The following GLUD1 variants were observed in gnomAD, a reference collection of about 807,000 sequenced individuals.
The protein encoded by GLUD1 is glutamate dehydrogenase 1, also known as glutamate dehydrogenase 1, mitochondrial.
Under a neutral mutation model 56.0 loss-of-function variants are expected in GLUD1, and 22 were observed. The ratio of observed to expected loss-of-function variants is 0.39; its 90% CI spans 0.28 to 0.56. GLUD1 has a LOEUF of 0.56. GLUD1 is among the 20% of genes least tolerant of loss of function. The pLI is 0.58. For missense variants in GLUD1, 451 were observed against 732.0 expected (o/e 0.62, Z 4.43); for synonymous variants, 223 against 269.9 (o/e 0.83, Z 1.70).
intron 3 of GLUD1, among the ~76,000 whole-genome samples, chr10:87,075,088 A>AC (rs772432692): frequency 3.3e-5 from 5 of 152,188 alleles, no homozygotes; most frequent in Admixed American, 6.5e-5. Flanking sequence ...ATCCTGACAT[A>AC]AAAACTTCAG....
chr10:87,065,104 A>G (rs1390065466), intron 5 of GLUD1, among the ~76,000 whole-genome samples: 1 of 152,026 alleles, frequency 6.6e-6, no homozygotes, highest in Non-Finnish European at 1.5e-5. Flanking sequence ...CAGCCTGGTC[A>G]ACATGGTGAA....
intron 6 of GLUD1, among the ~76,000 whole-genome samples, chr10:87,062,154 G>A (rs796808507): frequency 2.6e-5 from 4 of 152,308 alleles, no homozygotes; most frequent in African/African-American, 9.6e-5. Context: ...CTGGCCTCAA[G>A]TGATCCACCC....
rs1471077959 is a variant in GLUD1 at position 87,086,371 on chromosome 10, C to A, written c.445+7954G>T. 2.0e-5 allele frequency among the ~76,000 whole-genome samples: 3 copies of A among 152,278 alleles called. No individual in the cohort carries two copies. The East Asian group carries it at 5.8e-4, about 29-fold the overall frequency. On this transcript the variant is annotated intron_variant, in intron 1 of 12. Transcript: ENST00000277865. ...CTCTTCTCTCCTTCATCCTGTAAAT[C>A]CTACCTGTTGGGAATACATTACTGT...
At chr10:87,057,338 G>C (rs1213555768) in intron 11 of GLUD1, among the ~76,000 whole-genome samples, 1 of 152,120 alleles carries the variant, frequency 6.6e-6, no homozygotes, top group Non-Finnish European at 1.5e-5. Context: ...ATGTTCCCCA[G>C]GTTGGTCTCA....
chr10:87,064,983 C>A (rs1002449775), intron 5 of GLUD1, among the ~76,000 whole-genome samples: 2 of 152,162 alleles, frequency 1.3e-5, no homozygotes, highest in African/African-American at 4.8e-5. Context: ...CAGTTCACAT[C>A]TAGAAATGAG....
At chr10:87,093,563 G>A (rs1589390904) in intron 1 of GLUD1, among the ~76,000 whole-genome samples, 1 of 152,098 alleles carries the variant, frequency 6.6e-6, no homozygotes, top group East Asian at 1.9e-4. Flanking sequence ...CAAATTCAGG[G>A]CTAGCCAGGA....
intron 10 of GLUD1, among the ~76,000 whole-genome samples, chr10:87,058,029 C>A (rs999837188): frequency 2.0e-5 from 3 of 152,116 alleles, no homozygotes; most frequent in Non-Finnish European, 2.9e-5. Context: ...CCACCACGCC[C>A]AGCTAATTTT....
chr10:87,076,785 CA>C (rs955270575), intron 1 of GLUD1, 129 bp from the exon 2 acceptor site: 3 of 716,118 alleles, frequency 4.2e-6, no homozygotes, highest in African/African-American at 3.5e-5. Context: ...ATTTTACATC[CA>C]AGCTATGTCC....
Position 87,068,060 on chromosome 10 carries a change from C to T in GLUD1, c.741+3G>A. ...AGCCTCGGGGCTTCCAGTGGGTACTCACATAGTGCCCTATGGTGCTGGCAT... is the reference window on the plus strand; with the variant it reads ...AGCCTCGGGGCTTCCAGTGGGTACTTACATAGTGCCCTATGGTGCTGGCAT... On this transcript the variant is annotated splice_donor_region_variant and intron_variant, in intron 5 of 12. Transcript: ENST00000277865. The T allele has an allele frequency of 1.3e-6, 2 of 1,568,254 alleles. No homozygotes were observed. Among genetic ancestry groups the T allele is most frequent in the Non-Finnish European group, 1.8e-6 (2 of 1,138,104 alleles).
intron 6 of GLUD1, 148 bp from the exon 7 acceptor site, chr10:87,061,200 T>A (rs780866912): frequency 1.2e-6 from 1 of 812,710 alleles, no homozygotes; most frequent in Admixed American, 1.8e-5. Context: ...TACTAACTGG[T>A]TTCTCTTCAA....
chr10:87,094,033 G>A lies in GLUD1; in HGVS notation c.445+292C>T, dbSNP rs1363495159. The A allele has an allele frequency of 6.0e-6, 9 of 1,490,952 alleles. No individual in the cohort carries two copies. Among genetic ancestry groups the A allele is most frequent in the Middle Eastern group, 1.7e-4 (1 of 5,758 alleles). 92.4% of individuals were successfully genotyped at this position (1,490,952 alleles called of 1,614,324 possible). A position where few individuals can be genotyped will look rare whatever the true frequency, so the allele number is the denominator to read the frequency against. The stretch of plus-strand genomic sequence containing the variant: ...ACCCGCCGTGTGTGACACAGACACC[G>A]GGACCAAAAGGAGACCGGTGCAGCG... On this transcript the variant is annotated intron_variant, in intron 1 of 12. Transcript: ENST00000277865. This position sits in a 1 kb window ranked among gnomAD's most constrained non-coding sequence, Gnocchi z 6.6.
Position 87,075,988 on chromosome 10 carries a change from T to C in GLUD1, c.562A>G (p.Ile188Val), listed in dbSNP as rs767708734. 3 of 1,596,722 alleles carry C rather than the reference T, an allele frequency of 1.9e-6. No homozygotes were observed. The highest frequency in any genetic ancestry group is 1.1e-5 in the South Asian group (1 of 90,792). The change falls in exon 3 of 13, where the codon ATC (isoleucine) becomes GTC (valine). Residue 188 changes from isoleucine to valine, a missense_variant. This residue lies in a region of GLUD1 where 248 missense variants were observed against 460.0 expected (regional missense o/e 0.54). Coordinates refer to ENST00000277865, the MANE Select transcript of GLUD1 (RefSeq NM_005271.5). ...PFGGAKAGVK[I>V]NPKNYTDNEL... ...CTTACAGTATAGTTCTTGGGATTGA[T>C]CTTAACACCAGCTTTAGCACCCCCA... is the stretch of plus-strand genomic sequence containing the variant.
At chr10:87,079,107 ATGT>A (rs1214785962) in intron 1 of GLUD1, among the ~76,000 whole-genome samples, 1 of 152,152 alleles carries the variant, frequency 6.6e-6, no homozygotes, top group Non-Finnish European at 1.5e-5. Flanking sequence ...TAATTATGCA[ATGT>A]TGTATTCATA....
intron 1 of GLUD1, among the ~76,000 whole-genome samples, chr10:87,088,667 A>C (rs191380708): frequency 6.6e-6 from 1 of 152,360 alleles, no homozygotes; most frequent in East Asian, 1.9e-4. Context: ...ACAACCTTTG[A>C]AATTTTCATT....
chr10:87,077,190 T>C (rs1432275702), intron 1 of GLUD1, among the ~76,000 whole-genome samples: 1 of 152,098 alleles, frequency 6.6e-6, no homozygotes, highest in African/African-American at 2.4e-5. Context: ...TTTGAATTTT[T>C]TGTAGAGACA....
At chr10:87,064,794 C>G (rs1002015194) in intron 5 of GLUD1, among the ~76,000 whole-genome samples, 1 of 152,150 alleles carries the variant, frequency 6.6e-6, no homozygotes, top group Non-Finnish European at 1.5e-5. Flanking sequence ...GTGCCAAATG[C>G]TTTTAAACAG....
Position 87,051,300 on chromosome 10 carries a change from C to T in GLUD1, c.*451G>A. 4.9e-6 allele frequency: 1 copy of T among 205,360 alleles called. No homozygotes were observed. The allele number at this position is 205,360 out of a possible 1,614,324, so 12.7% of individuals were successfully genotyped here. On this transcript the variant is annotated 3_prime_UTR_variant, in exon 13 of 13. Coordinates refer to ENST00000277865, the MANE Select transcript of GLUD1 (RefSeq NM_005271.5). ...TTTTGCTGATATAAAATACTAAGAA[C>T]TCACTTGAGGACCATGCCACCTTCT...
At chr10:87,083,876 G>A (rs1313994145) in intron 1 of GLUD1, among the ~76,000 whole-genome samples, 1 of 152,080 alleles carries the variant, frequency 6.6e-6, no homozygotes, top group Middle Eastern at 3.2e-3. Flanking sequence ...AGACTCCATT[G>A]ATGCATTACT....
chr10:87,069,805 A>T (rs553290855), intron 4 of GLUD1, among the ~76,000 whole-genome samples: 1 of 152,126 alleles, frequency 6.6e-6, no homozygotes, highest in East Asian at 1.9e-4. Context: ...CTGTAACTCT[A>T]TGTCTTAGCA....
Sources: allele counts gnomAD v4.1 joint callset (sites outside exome capture counted in the v4.1 genomes callset), GRCh38; gene constraint gnomAD v4.1.1; regional missense constraint gnomAD v4.1.1; non-coding constraint Gnocchi (gnomAD v3.1); transcripts MANE v1.5; gene names NCBI Gene and HGNC (gene_info 2026-07-23, HGNC 2026-07-21).